The following RAB33A variants were observed in gnomAD, a reference collection of about 807,000 sequenced individuals.
RAB33A encodes ras-related protein Rab-33A.
RAB33A carries 6 observed loss-of-function variants against 12.0 expected under a neutral mutation model. The observed-to-expected ratio is 0.50, with a 90% CI of 0.27 to 0.99. The LOEUF is 0.99. RAB33A is among the 50% of genes least tolerant of loss of function. RAB33A has a pLI of 0.11. For synonymous variants in RAB33A, 70 were observed against 82.4 expected (o/e 0.85, Z 0.81); for missense variants, 109 against 192.0 (o/e 0.57, Z 2.55).
intron 1 of RAB33A, among the ~76,000 whole-genome samples, chrX:130,180,743 A>G (rs1360935329): frequency 0.02 from 1 of 50 alleles, no homozygotes; most frequent in Non-Finnish European, 0.029. Context: ...GGCGTGAGCC[A>G]CTGCGCCCTG....
the RAB33A span, chrX:130,140,399 C>G: frequency 3.5e-6 from 2 of 568,309 alleles, no homozygotes; most frequent in South Asian, 2.4e-5. Context: ...AGCTTTTGTA[C>G]CAAGAGAAGA....
the RAB33A span, chrX:130,138,474 T>A: frequency 0.019 from 10,661 of 568,907 alleles, 177 homozygotes; most frequent in Admixed American, 0.1. Context: ...CAAAAAAAAA[T>A]AAATAAATAA....
the RAB33A span, among the ~76,000 whole-genome samples, chrX:130,129,206 G>A: frequency 9.0e-6 from 1 of 111,231 alleles, no homozygotes; most frequent in African/African-American, 3.3e-5. Flanking sequence ...GAGGGGTGAG[G>A]GAAGTTCGGA....
upstream of RAB33A, chrX:130,171,926 GCACACACGGGCGGACACA>G: frequency 2.6e-6 from 2 of 755,159 alleles, no homozygotes; most frequent in Non-Finnish European, 1.8e-6. Context: ...GCCGGCGCAC[GCACACACGGGCGGACACA>G]CACACACGCG....
chrX:130,174,528 C>T, intron 1 of RAB33A, among the ~76,000 whole-genome samples: 1 of 112,560 alleles, frequency 8.9e-6, no homozygotes, highest in Non-Finnish European at 1.9e-5. Context: ...CGCACTCTGG[C>T]TAGCCTGAAG....
the RAB33A span, among the ~76,000 whole-genome samples, chrX:130,138,248 C>G: frequency 9.5e-4 from 105 of 110,808 alleles, no homozygotes; most frequent in South Asian, 6.1e-3. Context: ...GGCGGATCAC[C>G]AGGTCAGGAG....
At chrX:130,138,782 T>C in the RAB33A span, 1 of 694,687 alleles carries the variant, frequency 1.4e-6, no homozygotes, top group African/African-American at 2.1e-5. Flanking sequence ...TTCTTCTAAA[T>C]CTTTGGCAAA....
intron 1 of RAB33A, 127 bp downstream of exon 1, chrX:130,172,447 A>G (rs2031621288): frequency 3.4e-6 from 3 of 871,454 alleles, no homozygotes; most frequent in Non-Finnish European, 1.6e-6. Context: ...TGAGCCGAGG[A>G]CCCTCGGCTC....
rs2031619015 is a variant in RAB33A, at chrX:130,172,329, G to A, written c.258+9G>A. On this transcript the variant is annotated intron_variant, in intron 1 of 1. Coordinates refer to ENST00000257017, the MANE Select transcript of RAB33A (RefSeq NM_004794.3). The stretch of plus-strand genomic sequence containing the variant: ...AGGGCGAGAAGATCAAGGTGATCCA[G>A]GGGGTCAGGTCCAGGAAGGGTGGGA... The A allele has an allele frequency of 3.4e-6, 4 of 1,193,104 alleles. No individual in the cohort carries two copies. The East Asian group carries it at 1.2e-4, about 35-fold the overall frequency.
intron 1 of RAB33A, among the ~76,000 whole-genome samples, chrX:130,175,988 G>T (rs1295748169): frequency 1.8e-5 from 2 of 111,530 alleles, no homozygotes; most frequent in Non-Finnish European, 3.8e-5. Context: ...CCTTTCTGGT[G>T]CTCTTTCCAC....
chrX:130,138,585 A>T, the RAB33A span: 1 of 1,178,554 alleles, frequency 8.5e-7, no homozygotes, highest in Non-Finnish European at 1.2e-6. Context: ...TCACTCCTCA[A>T]TACTCACCCT....
At chrX:130,154,205 T>C in the RAB33A span, among the ~76,000 whole-genome samples, 1 of 112,023 alleles carries the variant, frequency 8.9e-6, no homozygotes, top group South Asian at 3.7e-4. Flanking sequence ...AATGAATGAC[T>C]TGAGAGGAAC....
chrX:130,121,259 T>C, the RAB33A span, among the ~76,000 whole-genome samples: 3 of 104,393 alleles, frequency 2.9e-5, no homozygotes, highest in South Asian at 4.4e-4. Context: ...TTTCTTTTTT[T>C]TTTTTTTTTT....
the RAB33A span, among the ~76,000 whole-genome samples, chrX:130,134,767 T>C: frequency 8.9e-6 from 1 of 111,818 alleles, no homozygotes; most frequent in Non-Finnish European, 1.9e-5. Context: ...TGTGGCTATT[T>C]AGACTCCCCC....
the RAB33A span, among the ~76,000 whole-genome samples, chrX:130,152,212 AT>A: frequency 8.0e-5 from 9 of 112,196 alleles, no homozygotes; most frequent in Non-Finnish European, 1.7e-4. Context: ...AACAGGGGCC[AT>A]GTTCATTGAG....
chrX:130,129,907 G>A, the RAB33A span: 1 of 1,177,270 alleles, frequency 8.5e-7, no homozygotes, highest in Non-Finnish European at 1.2e-6. Flanking sequence ...ACCCGATGAA[G>A]TTACAGGAAT....
the RAB33A span, among the ~76,000 whole-genome samples, chrX:130,130,556 T>C: frequency 8.9e-6 from 1 of 112,808 alleles, no homozygotes; most frequent in Non-Finnish European, 1.9e-5. Context: ...GCCACAGCCA[T>C]GTAAATGAAC....
chrX:130,123,700 C>CA, the RAB33A span, among the ~76,000 whole-genome samples: 216 of 39,839 alleles, frequency 5.4e-3, 8 homozygotes, highest in African/African-American at 9.2e-3. Flanking sequence ...GACTCTGTCT[C>CA]AAAAAAAAAA....
the RAB33A span, among the ~76,000 whole-genome samples, chrX:130,153,541 C>T: frequency 9.1e-6 from 1 of 110,345 alleles, no homozygotes; most frequent in Non-Finnish European, 1.9e-5. Flanking sequence ...CTGAATGTTT[C>T]CTATTCCTAT....
Sources: allele counts gnomAD v4.1 joint callset (sites outside exome capture counted in the v4.1 genomes callset), GRCh38; gene constraint gnomAD v4.1.1; transcripts MANE v1.5; gene names NCBI Gene and HGNC (gene_info 2026-07-23, HGNC 2026-07-21).